The following DLGAP2 variants were observed in gnomAD, a reference collection of about 807,000 sequenced individuals.
The protein encoded by DLGAP2 is disks large-associated protein 2.
In DLGAP2, 26 loss-of-function variants were observed where a neutral mutation model predicts 100.3. That is an observed-to-expected ratio of 0.26 (90% CI 0.19 to 0.36). DLGAP2 has a LOEUF of 0.36. DLGAP2 is among the 10% of genes least tolerant of loss of function. The pLI is 1.00. For synonymous variants in DLGAP2, 886 were observed against 630.1 expected, an observed-to-expected ratio of 1.41 and a Z score of -6.08; for missense variants, 1,858 against 1,453.2, an observed-to-expected ratio of 1.28 and a Z score of -4.53.
At chr8:1,084,881 G>C (rs2129040288) in intron 2 of DLGAP2, among the ~76,000 whole-genome samples, 2 of 152,280 alleles carry the variant, frequency 1.3e-5, no homozygotes, top group South Asian at 4.1e-4. Flanking sequence ...ATCTGTTTCT[G>C]AGTAAACACC....
intron 2 of DLGAP2, among the ~76,000 whole-genome samples, chr8:973,923 G>A (rs1037392718): frequency 1.8e-4 from 27 of 148,700 alleles, no homozygotes; most frequent in Non-Finnish European, 3.1e-4. Flanking sequence ...CCGCCACCCC[G>A]GCTGGAGAGC....
At chr8:1,068,534 G>A (rs1307398282) in intron 2 of DLGAP2, among the ~76,000 whole-genome samples, 2 of 152,212 alleles carry the variant, frequency 1.3e-5, no homozygotes, top group Non-Finnish European at 2.9e-5. Context: ...TGGGGACTAA[G>A]GCTGTCCCGG....
intron 6 of DLGAP2, among the ~76,000 whole-genome samples, chr8:1,593,231 G>C (rs150722452): frequency 0.014 from 2,190 of 152,142 alleles, 52 homozygotes; most frequent in African/African-American, 0.051. Flanking sequence ...AAGGCGGGTG[G>C]ATCATGAGGT....
intron 1 of DLGAP2, among the ~76,000 whole-genome samples, chr8:849,005 G>A (rs543062952): frequency 5.3e-5 from 8 of 152,152 alleles, no homozygotes; most frequent in African/African-American, 1.9e-4. Flanking sequence ...AGGATCGTGA[G>A]GTGCCTGTTC....
At chr8:1,117,067 G>T (rs2129046859) in intron 2 of DLGAP2, among the ~76,000 whole-genome samples, 1 of 152,294 alleles carries the variant, frequency 6.6e-6, no homozygotes, top group South Asian at 2.1e-4. Flanking sequence ...AAGCTTTATG[G>T]GTTTTTAAAA....
In DLGAP2 at chr8:1,115,176, G is replaced by A. The variant is rs563939518; in HGVS notation, c.74-143675G>A. 2.2e-4 allele frequency among the ~76,000 whole-genome samples: 33 copies of A among 152,356 alleles called. No homozygotes were observed. The South Asian group carries it at 6.2e-3, about 29-fold the overall frequency. ...AGAATGTGCATTCTGTTGTTTTGGG[G>A]TAGAGTGTTCTATAGAGGTCTGTCA... On this transcript the variant is annotated intron_variant, in intron 2 of 14. Coordinates refer to ENST00000637795, the MANE Select transcript of DLGAP2 (RefSeq NM_001346810.2).
At chr8:1,243,200 G>C (rs1399012056) in intron 2 of DLGAP2, among the ~76,000 whole-genome samples, 1 of 152,206 alleles carries the variant, frequency 6.6e-6, no homozygotes, top group Non-Finnish European at 1.5e-5. Flanking sequence ...CCAGGGGAGT[G>C]AGGACCCGCC....
intron 5 of DLGAP2, among the ~76,000 whole-genome samples, chr8:1,564,091 T>G (rs988922083): frequency 1.3e-5 from 2 of 152,160 alleles, no homozygotes; most frequent in African/African-American, 4.8e-5. Context: ...CTAGTTGCTG[T>G]GGAAAGCTTT....
chr8:1,197,720 A>C (rs976959567), intron 2 of DLGAP2, among the ~76,000 whole-genome samples: 2 of 151,270 alleles, frequency 1.3e-5, no homozygotes, highest in African/African-American at 4.9e-5. Context: ...CATCTGGGCC[A>C]CCAGCTGTCC....
chr8:1,579,109 A>G (rs1386128806), intron 6 of DLGAP2, among the ~76,000 whole-genome samples: 2 of 152,220 alleles, frequency 1.3e-5, no homozygotes, highest in African/African-American at 4.8e-5. Flanking sequence ...AAATAATTTC[A>G]TTTGGAGGCC....
Position 1,698,997 on chromosome 8 carries a change from A to G in DLGAP2, c.2949+1698A>G, listed in dbSNP as rs112243369. ...TGCATGGGACTAGGCAGGTCCACATAACCCATGTGTGGGACTAGACAGGTC... is the reference window on the plus strand; with the variant it reads ...TGCATGGGACTAGGCAGGTCCACATGACCCATGTGTGGGACTAGACAGGTC... On this transcript the variant is annotated intron_variant, in intron 14 of 14. Coordinates refer to ENST00000637795, the MANE Select transcript of DLGAP2 (RefSeq NM_001346810.2). Among the ~76,000 whole-genome samples the G allele has an allele frequency of 1.2e-3, 189 of 152,348 alleles. 1 individual carries two copies. The highest frequency in any genetic ancestry group is 4.3e-3 in the African/African-American group (179 of 41,584).
chr8:1,186,047 A>G (rs771706624), intron 2 of DLGAP2, among the ~76,000 whole-genome samples: 29 of 152,258 alleles, frequency 1.9e-4, no homozygotes, highest in African/African-American at 6.0e-4. Flanking sequence ...GAGTGTGGCA[A>G]TGCGGGCTCT....
intron 10 of DLGAP2, among the ~76,000 whole-genome samples, chr8:1,674,480 A>T (rs545495647): frequency 6.6e-6 from 1 of 152,216 alleles, no homozygotes; most frequent in Non-Finnish European, 1.5e-5. Flanking sequence ...CACCTCACAC[A>T]CTGGTCAGAA....
intron 2 of DLGAP2, among the ~76,000 whole-genome samples, chr8:1,231,160 C>T (rs1798526784): frequency 6.6e-6 from 1 of 152,086 alleles, no homozygotes; most frequent in African/African-American, 2.4e-5. Context: ...AAACAAATAG[C>T]CCCATTAAAA....
chr8:1,128,115 G>A (rs867053771), intron 2 of DLGAP2, among the ~76,000 whole-genome samples: 42 of 151,680 alleles, frequency 2.8e-4, no homozygotes, highest in Non-Finnish European at 1.2e-4. Flanking sequence ...GTTGTGTTCC[G>A]TGAGGACCTG....
chr8:1,565,520 T>C (rs866177658), intron 5 of DLGAP2, 163 bp from the exon 6 acceptor site: 19 of 592,312 alleles, frequency 3.2e-5, no homozygotes, highest in Middle Eastern at 8.9e-4. Context: ...TTATATTCAT[T>C]TCCTTTTAGG....
intron 8 of DLGAP2, among the ~76,000 whole-genome samples, chr8:1,657,398 TCA>T (rs1798309354): frequency 6.6e-6 from 1 of 152,242 alleles, no homozygotes; most frequent in Non-Finnish European, 1.5e-5. Flanking sequence ...AGGCGTGCAC[TCA>T]CAGAAACAGA....
chr8:895,688 G>A (rs1238947089), intron 1 of DLGAP2, among the ~76,000 whole-genome samples: 1 of 152,204 alleles, frequency 6.6e-6, no homozygotes, highest in Admixed American at 6.5e-5. Flanking sequence ...GTGGTGGTGT[G>A]AAGGAGGGTT....
chr8:915,015 T>A (rs1043192290), intron 2 of DLGAP2, among the ~76,000 whole-genome samples: 2 of 152,220 alleles, frequency 1.3e-5, no homozygotes, highest in Admixed American at 1.3e-4. Context: ...ATCCTGTAAC[T>A]TTGTGTGTAA....
Sources: allele counts gnomAD v4.1 joint callset (sites outside exome capture counted in the v4.1 genomes callset), GRCh38; gene constraint gnomAD v4.1.1; transcripts MANE v1.5; gene names NCBI Gene and HGNC (gene_info 2026-07-23, HGNC 2026-07-21).